Variants in SCN10A observed in about 807,000 individuals in gnomAD.
SCN10A encodes the protein sodium voltage-gated channel alpha subunit 10.
In SCN10A, 162 loss-of-function variants were observed where a neutral mutation model predicts 170.7. That is an observed-to-expected ratio of 0.95 (90% CI 0.84 to 1.08). The LOEUF (loss-of-function observed/expected upper bound fraction) is 1.08. Among genes scored for constraint, SCN10A ranks in the 50% least tolerant of loss-of-function variants. The pLI is 0.00. For synonymous variants in SCN10A, 985 were observed against 904.6 expected (o/e 1.09, Z -1.59); for missense variants, 2,527 against 2,436.9 (o/e 1.04, Z -0.78).
Position 38,735,695 on chromosome 3 carries a change from T to C in SCN10A, c.2280+3820A>G, listed in dbSNP as rs142629016. 5.3e-5 allele frequency among the ~76,000 whole-genome samples: 8 copies of C among 152,358 alleles called. No individual in the cohort carries two copies. In the East Asian group the frequency reaches 1.2e-3, roughly 22 times the overall value. On this transcript the variant is annotated intron_variant, in intron 15 of 27. Transcript: ENST00000449082. ...AAAGCTGCCATAATTAAGACTGATA[T>C]TGGTGCCAGGATAGACCAATGGACT...
chr3:38,773,304 A>T (rs914722696), intron 4 of SCN10A, among the ~76,000 whole-genome samples: 3 of 151,440 alleles, frequency 2.0e-5, no homozygotes, highest in Non-Finnish European at 4.4e-5. Flanking sequence ...ACTTTGTCTT[A>T]AAAAAAAATG....
At chr3:38,800,495 A>T (rs2064364535) in intron 1 of SCN10A, among the ~76,000 whole-genome samples, 1 of 152,176 alleles carries the variant, frequency 6.6e-6, no homozygotes, top group African/African-American at 2.4e-5. Flanking sequence ...GAATCTGGTG[A>T]AGCCATGATC....
chr3:38,769,650 C>T (rs545634400), intron 5 of SCN10A, among the ~76,000 whole-genome samples: 8 of 152,262 alleles, frequency 5.3e-5, no homozygotes, highest in African/African-American at 1.9e-4. Flanking sequence ...TGTCATATTA[C>T]CAGAATTGCT....
In SCN10A at chr3:38,713,984, C is replaced by A. The variant is rs779316495; in HGVS notation, c.3778G>T (p.Ala1260Ser). 93 of 1,613,734 alleles carry A rather than the reference C, an allele frequency of 5.8e-5. No individual in the cohort carries two copies. Among genetic ancestry groups the A allele is most frequent in the Non-Finnish European group, 7.5e-5 (88 of 1,180,042 alleles). ...RTLRALRPLR[A>S]LSRFEGMRVV... ...CGCATGCCTTCAAATCGAGAAAGAG[C>A]CCGCAGTGGCCGCAGAGCGCGAAGG... The change falls in exon 22 of 28, where the codon GCT (alanine) becomes TCT (serine). Residue 1260 changes from alanine to serine, a missense_variant. Transcript: ENST00000449082.
At chr3:38,768,133 ATGTGTTAGG>A (rs1402107242) in intron 5 of SCN10A, among the ~76,000 whole-genome samples, 1 of 151,064 alleles carries the variant, frequency 6.6e-6, no homozygotes, top group African/African-American at 2.4e-5. Context: ...GTGGCTCCTT[ATGTGTTAGG>A]TGAGTCTCTT....
At chr3:38,775,416 T>C (rs1263885743) in intron 4 of SCN10A, among the ~76,000 whole-genome samples, 1 of 152,238 alleles carries the variant, frequency 6.6e-6, no homozygotes. Flanking sequence ...TCATTCATTT[T>C]TAAAACTGAA....
chr3:38,766,575 G>A (rs995122955), intron 5 of SCN10A, among the ~76,000 whole-genome samples: 1 of 152,070 alleles, frequency 6.6e-6, no homozygotes, highest in Non-Finnish European at 1.5e-5. Context: ...CTACCTCCCT[G>A]GTATGAAACC....
In SCN10A at chr3:38,697,935, GA is replaced by G; in HGVS notation, c.5284del (p.Ser1762LeufsTer14). 6.2e-7 allele frequency: 1 copy of G among 1,614,154 alleles called. No homozygotes were observed. The highest frequency in any genetic ancestry group is 2.2e-5 in the East Asian group (1 of 44,880). On this transcript the variant is annotated frameshift_variant, in exon 28 of 28. Coordinates refer to ENST00000449082, the MANE Select transcript of SCN10A (RefSeq NM_006514.4). LOFTEE classifies it high-confidence loss of function. The stretch of plus-strand genomic sequence containing the variant: ...AGTGTCTGCAAAGTCCGAGAGAGCA[GA>G]AAAGGTAATAAACTGAGTGGCCTCT... Reference protein sequence around the residue: ...DPEATQFITFSALSDFADTLS... With the variant: ...DPEATQFITFXALSDFADTLS...
At chr3:38,761,493 T>C in intron 6 of SCN10A, 110 bp from the exon 7 acceptor site, 2 of 921,668 alleles carry the variant, frequency 2.2e-6, no homozygotes, top group East Asian at 5.3e-5. Flanking sequence ...GTGAAGTATG[T>C]ACACACTCCA....
intron 1 of SCN10A, among the ~76,000 whole-genome samples, chr3:38,805,803 T>A (rs889037025): frequency 6.6e-5 from 10 of 152,182 alleles, no homozygotes; most frequent in Non-Finnish European, 1.2e-4. Context: ...AGTTGAATAA[T>A]CCTGAGTTGC....
At chr3:38,756,338 A>G (rs1161045716) in intron 10 of SCN10A, among the ~76,000 whole-genome samples, 1 of 150,586 alleles carries the variant, frequency 6.6e-6, no homozygotes, top group Non-Finnish European at 1.5e-5. Context: ...TCAAGGTAGG[A>G]CTAACTGTGG....
At chr3:38,722,168 G>C (rs2063396532) in intron 20 of SCN10A, 90 bp downstream of exon 20, 1 of 1,307,536 alleles carries the variant, frequency 7.6e-7, no homozygotes, top group African/African-American at 1.5e-5. Context: ...TCAGTAGTCA[G>C]GAGAACCCAC....
At chr3:38,703,110 C>T (rs2063174506) in intron 26 of SCN10A, among the ~76,000 whole-genome samples, 1 of 152,152 alleles carries the variant, frequency 6.6e-6, no homozygotes, top group Non-Finnish European at 1.5e-5. Context: ...CTGACCCTTC[C>T]ACACCACTGC....
At chr3:38,757,282 G>T in intron 8 of SCN10A, 123 bp from the exon 9 acceptor site, 1 of 950,156 alleles carries the variant, frequency 1.1e-6, no homozygotes, top group Non-Finnish European at 1.6e-6. Context: ...CCTCTTATTA[G>T]CAGGATGATC....
chr3:38,714,073 A>T lies in SCN10A; in HGVS notation c.3689T>A (p.Leu1230Gln). 2 of 1,614,192 alleles carry T rather than the reference A, an allele frequency of 1.2e-6. No individual in the cohort carries two copies. Among genetic ancestry groups the T allele is most frequent in the Non-Finnish European group, 1.7e-6 (2 of 1,180,022 alleles). Residue 1230 changes from leucine to glutamine, a missense_variant, in exon 22 of 28, where the codon CTG (leucine) becomes CAG (glutamine). Leu to Gln is a moderately radical substitution (Grantham distance 113). Transcript: ENST00000449082. ...CAGAATCTTCGCTGTGAGACTTATC[A>T]GTGAGATCTGAGTGCAGGAGAGGGC... ...WLDFLIVNIS[L>Q]ISLTAKILEY...
At chr3:38,787,805 A>G (rs1008450332) in intron 4 of SCN10A, among the ~76,000 whole-genome samples, 1 of 151,920 alleles carries the variant, frequency 6.6e-6, no homozygotes, top group African/African-American at 2.4e-5. Flanking sequence ...ATTTCTCCTA[A>G]TGCTATCCCT....
intron 15 of SCN10A, among the ~76,000 whole-genome samples, chr3:38,737,516 T>A (rs950371736): frequency 6.6e-6 from 1 of 152,192 alleles, no homozygotes; most frequent in Non-Finnish European, 1.5e-5. Context: ...TTCTCCTCCC[T>A]GGGATGGTGA....
chr3:38,737,650 C>G (rs2063579199), intron 15 of SCN10A, among the ~76,000 whole-genome samples: 1 of 152,028 alleles, frequency 6.6e-6, no homozygotes, highest in African/African-American at 2.4e-5. Context: ...ATATTAAAGA[C>G]ATTTGCACAA....
chr3:38,736,878 C>CT (rs1432463211), intron 15 of SCN10A, among the ~76,000 whole-genome samples: 2 of 148,904 alleles, frequency 1.3e-5, no homozygotes, highest in African/African-American at 5.0e-5. Flanking sequence ...TTGTTTGGGA[C>CT]TTTAGACTGT....
Sources: allele counts gnomAD v4.1 joint callset (sites outside exome capture counted in the v4.1 genomes callset), GRCh38; gene constraint gnomAD v4.1.1; transcripts MANE v1.5; gene names NCBI Gene and HGNC (gene_info 2026-07-23, HGNC 2026-07-21).